Variants in PARD3B observed in about 807,000 individuals in gnomAD.
The protein encoded by PARD3B is par-3 family cell polarity regulator beta.
PARD3B carries 103 observed loss-of-function variants against 130.2 expected under a neutral mutation model. The observed-to-expected ratio is 0.79, with a 90% CI of 0.67 to 0.93. The LOEUF (loss-of-function observed/expected upper bound fraction) is 0.93, where lower values mean the gene tolerates loss of function less well. Ranked by LOEUF, PARD3B falls within the 40% of genes least tolerant of loss-of-function variation. The probability of loss-of-function intolerance (pLI) is 0.00; values close to 1 mark genes in which losing one functional copy is unlikely to be tolerated. For synonymous variants in PARD3B, 583 were observed against 553.2 expected, an observed-to-expected ratio of 1.05 and a Z score of -0.76; for missense variants, 1,609 against 1,499.2, an observed-to-expected ratio of 1.07 and a Z score of -1.21.
intron 22 of PARD3B, among the ~76,000 whole-genome samples, chr2:205,553,662 C>G (rs2052749597): frequency 6.6e-6 from 1 of 152,138 alleles, no homozygotes; most frequent in African/African-American, 2.4e-5. Context: ...AATGGAAATC[C>G]TAAGCCATTG....
rs2044530682 is a variant in PARD3B at position 205,364,646 on chromosome 2, A to T, written c.2631-36367A>T. On this transcript the variant is annotated intron_variant, in intron 18 of 22. Transcript: ENST00000406610. ...ACAAGGCAGGGTGTGATTTTTATTGACAATTGGAGTATGCTTAAATGAAGT... is the reference window on the plus strand; with the variant it reads ...ACAAGGCAGGGTGTGATTTTTATTGTCAATTGGAGTATGCTTAAATGAAGT... Among the ~76,000 whole-genome samples, 5 of 152,176 alleles carry T rather than the reference A, an allele frequency of 3.3e-5. 1 individual carries two copies. In the South Asian group the frequency reaches 1.0e-3, roughly 32 times the overall value.
At chr2:204,701,592 T>A (rs2037894394) in intron 2 of PARD3B, among the ~76,000 whole-genome samples, 1 of 152,190 alleles carries the variant, frequency 6.6e-6, no homozygotes, top group East Asian at 1.9e-4. Context: ...CTATTTTAAG[T>A]TGAGTGTTGT....
At chr2:205,104,288 T>C in intron 4 of PARD3B, 138 bp from the exon 5 acceptor site, 2 of 619,904 alleles carry the variant, frequency 3.2e-6, no homozygotes, top group Non-Finnish European at 5.7e-6. Flanking sequence ...TAACACCTGC[T>C]TCCAGTTTTC....
At chr2:204,696,679 G>A (rs2037625955) in intron 2 of PARD3B, among the ~76,000 whole-genome samples, 2 of 152,148 alleles carry the variant, frequency 1.3e-5, no homozygotes, top group South Asian at 2.1e-4. Context: ...AGTCCTATAA[G>A]TATTTAATAT....
chr2:204,873,678 G>C (rs1009948915), intron 2 of PARD3B, among the ~76,000 whole-genome samples: 6 of 152,228 alleles, frequency 3.9e-5, no homozygotes, highest in Non-Finnish European at 5.9e-5. Context: ...TGATGTGTGA[G>C]TAGCTAGAAA....
Position 205,537,001 on chromosome 2 carries a change from T to C in PARD3B, c.3181-16323T>C, listed in dbSNP as rs530562857. On this transcript the variant is annotated intron_variant, in intron 21 of 22. Transcript: ENST00000406610. ...TCCTTCATCCTAATGGATTATACCA[T>C]AAGAAGTTCTTTGCAATATTCATCC... Among the ~76,000 whole-genome samples, 4 of 152,324 alleles carry C rather than the reference T, an allele frequency of 2.6e-5. No homozygotes were observed. In the South Asian group the frequency reaches 8.3e-4, roughly 32 times the overall value.
At chr2:205,087,667 A>AGAG (rs1162976082) in intron 4 of PARD3B, among the ~76,000 whole-genome samples, 7 of 152,224 alleles carry the variant, frequency 4.6e-5, no homozygotes, top group Admixed American at 2.6e-4. Context: ...AAAAGTAGAT[A>AGAG]GAGTAAAAGT....
At chr2:205,010,653 G>T (rs1001973350) in intron 3 of PARD3B, among the ~76,000 whole-genome samples, 3 of 152,036 alleles carry the variant, frequency 2.0e-5, no homozygotes, top group Non-Finnish European at 4.4e-5. Flanking sequence ...ATCTTGAATC[G>T]ATTGCATTGC....
chr2:205,074,956 ATTG>A (rs1386047621), intron 4 of PARD3B, among the ~76,000 whole-genome samples: 1 of 152,190 alleles, frequency 6.6e-6, no homozygotes, highest in East Asian at 1.9e-4. Flanking sequence ...CCAAATTATA[ATTG>A]TTAAGTGTTC....
At chr2:205,398,183 C>T (rs1428111789) in intron 18 of PARD3B, among the ~76,000 whole-genome samples, 1 of 152,094 alleles carries the variant, frequency 6.6e-6, no homozygotes, top group Admixed American at 6.5e-5. Flanking sequence ...CACCTGTAAT[C>T]TCAGCTACTT....
intron 22 of PARD3B, among the ~76,000 whole-genome samples, chr2:205,597,675 C>T (rs1371087073): frequency 6.6e-6 from 1 of 152,166 alleles, no homozygotes; most frequent in African/African-American, 2.4e-5. Flanking sequence ...TGCAGCCTCA[C>T]CAGCATCTGT....
Position 205,301,786 on chromosome 2 carries a change from C to G in PARD3B, c.2630+85C>G, listed in dbSNP as rs906188511. On this transcript the variant is annotated intron_variant, in intron 18 of 22. Transcript: ENST00000406610. The surrounding 1 kb of genome is among the most constrained non-coding windows in gnomAD (Gnocchi z 5.2). ...TCCTTTGTCTGTACTCAGAAAAAAG[C>G]GCACGCTTTTCCTCGTCTTCAGCCA... 6.2e-7 allele frequency: 1 copy of G among 1,604,220 alleles called. No individual in the cohort carries two copies. Among genetic ancestry groups the G allele is most frequent in the South Asian group, 1.1e-5 (1 of 90,886 alleles).
intron 16 of PARD3B, among the ~76,000 whole-genome samples, chr2:205,286,102 A>G (rs960782169): frequency 5.3e-5 from 8 of 152,184 alleles, no homozygotes; most frequent in Non-Finnish European, 7.3e-5. Context: ...ATAAAAATAT[A>G]TCACATTGCT....
intron 2 of PARD3B, among the ~76,000 whole-genome samples, chr2:204,687,883 T>C (rs2037163926): frequency 1.3e-5 from 2 of 152,176 alleles, no homozygotes; most frequent in African/African-American, 4.8e-5. Context: ...GAAAATGTCT[T>C]ACCCCAGCTT....
intron 1 of PARD3B, among the ~76,000 whole-genome samples, chr2:204,633,269 T>G (rs773286407): frequency 1.2e-4 from 19 of 152,286 alleles, no homozygotes; most frequent in Non-Finnish European, 2.5e-4. Flanking sequence ...CCCTATATAC[T>G]ACTACAAAAA....
intron 2 of PARD3B, among the ~76,000 whole-genome samples, chr2:204,895,968 A>G (rs563050316): frequency 6.6e-6 from 1 of 152,326 alleles, no homozygotes; most frequent in African/African-American, 2.4e-5. Context: ...ATTTAGCTGT[A>G]TAGTAAATAC....
Position 205,564,661 on chromosome 2 carries a change from G to C in PARD3B, c.3260+11258G>C, listed in dbSNP as rs1408516576. On this transcript the variant is annotated intron_variant, in intron 22 of 22. Transcript: ENST00000406610. This position sits in a 1 kb window ranked among gnomAD's most constrained non-coding sequence, Gnocchi z 4.6. ...ACTCTGCTGCTTCAAGTCCAGAGAAGAGAGCTTTGGCAGTCAGTTACTATG... is the reference window on the plus strand; with the variant it reads ...ACTCTGCTGCTTCAAGTCCAGAGAACAGAGCTTTGGCAGTCAGTTACTATG... Among the ~76,000 whole-genome samples the C allele has an allele frequency of 6.6e-6, 1 of 152,164 alleles. No homozygotes were observed. The highest frequency in any genetic ancestry group is 1.5e-5 in the Non-Finnish European group (1 of 68,034).
intron 3 of PARD3B, among the ~76,000 whole-genome samples, chr2:205,035,107 C>G (rs201702608): frequency 6.6e-6 from 1 of 152,090 alleles, no homozygotes; most frequent in Admixed American, 6.6e-5. Context: ...AGGTGATCCC[C>G]CCCCCTCAGC....
chr2:204,700,560 A>T (rs1417415202), intron 2 of PARD3B, among the ~76,000 whole-genome samples: 1 of 152,104 alleles, frequency 6.6e-6, no homozygotes, highest in Admixed American at 6.6e-5. Context: ...ACTTCAGCCA[A>T]ATCAGTGTTT....
Sources: gnomAD v4.1 joint callset for allele counts (sites outside exome capture counted in the v4.1 genomes callset) on GRCh38, gnomAD v4.1.1 for gene constraint, Gnocchi (gnomAD v3.1) non-coding constraint, MANE v1.5 for transcripts, NCBI Gene and HGNC (gene_info 2026-07-23, HGNC 2026-07-21) for gene names.